KIF6: variants seen among roughly 807,000 people sequenced by gnomAD.
KIF6 encodes the protein kinesin family member 6.
Under a neutral mutation model 112.7 loss-of-function variants are expected in KIF6, and 106 were observed. That is an observed-to-expected ratio of 0.94 (90% CI 0.80 to 1.11). The LOEUF (loss-of-function observed/expected upper bound fraction) is 1.11. Among genes scored for constraint, KIF6 ranks in the 50% least tolerant of loss-of-function variants. The probability of loss-of-function intolerance (pLI) is 0.00; values close to 1 mark genes in which losing one functional copy is unlikely to be tolerated. For missense variants in KIF6, 929 were observed against 964.0 expected, an observed-to-expected ratio of 0.96 and a Z score of 0.48; for synonymous variants, 339 against 339.9, an observed-to-expected ratio of 1.00 and a Z score of 0.03.
chr6:39,543,619 T>TA (rs11385709), intron 12 of KIF6, among the ~76,000 whole-genome samples: 71,639 of 152,084 alleles, frequency 0.47, 20,498 homozygotes, highest in African/African-American at 0.81. Context: ...TTTGGTAATT[T>TA]AAAAAAAGAA....
At chr6:39,493,914 A>C (rs1390462328) in intron 13 of KIF6, among the ~76,000 whole-genome samples, 1 of 152,114 alleles carries the variant, frequency 6.6e-6, no homozygotes, top group African/African-American at 2.4e-5. Context: ...TTCTATACAC[A>C]GTTTGGTGAG....
intron 13 of KIF6, among the ~76,000 whole-genome samples, chr6:39,516,448 AT>A (rs1307531351): frequency 2.0e-5 from 3 of 148,056 alleles, no homozygotes; most frequent in Admixed American, 6.8e-5. Context: ...TATCTAATAT[AT>A]TATTTATATT....
At chr6:39,438,643 AG>A (rs1170417826) in intron 13 of KIF6, among the ~76,000 whole-genome samples, 3 of 152,264 alleles carry the variant, frequency 2.0e-5, no homozygotes, top group Non-Finnish European at 4.4e-5. Context: ...AGAATTAAAA[AG>A]TTAAAAAAAT....
In KIF6 at chr6:39,531,424, T is replaced by C. The variant is rs562924409; in HGVS notation, c.1645+8579A>G. Among the ~76,000 whole-genome samples, 8 of 152,050 alleles carry C rather than the reference T, an allele frequency of 5.3e-5. No homozygotes were observed. The East Asian group carries it at 1.4e-3, about 26-fold the overall frequency. ...GGGAGATGGTGTGGGCAAGAAGACA[T>C]AGAAATAGAAAAGGCCTGGCACACA... On this transcript the variant is annotated intron_variant, in intron 13 of 22. Transcript: ENST00000287152.
chr6:39,360,327 CTT>C, intron 18 of KIF6, 66 bp downstream of exon 18: 2 of 1,576,214 alleles, frequency 1.3e-6, no homozygotes, highest in South Asian at 2.3e-5. Flanking sequence ...CACTGTGTCT[CTT>C]GACAGCCCCA....
At chr6:39,441,947 G>C (rs937361505) in intron 13 of KIF6, among the ~76,000 whole-genome samples, 1 of 152,150 alleles carries the variant, frequency 6.6e-6, no homozygotes, top group African/African-American at 2.4e-5. Flanking sequence ...TGGTAGGCTT[G>C]GCAGGAGCTC....
chr6:39,587,393 A>C (rs1399165014), intron 7 of KIF6, among the ~76,000 whole-genome samples: 1 of 152,102 alleles, frequency 6.6e-6, no homozygotes, highest in African/African-American at 2.4e-5. Flanking sequence ...CTTTTGGTTT[A>C]CAAAACGAAA....
chr6:39,646,725 T>C (rs926660539), intron 3 of KIF6, among the ~76,000 whole-genome samples: 15 of 152,222 alleles, frequency 9.9e-5, no homozygotes, highest in Admixed American at 2.0e-4. Flanking sequence ...AAATACGCTA[T>C]ATACATGTTT....
intron 13 of KIF6, among the ~76,000 whole-genome samples, chr6:39,440,301 T>C (rs946193148): frequency 1.3e-4 from 20 of 152,188 alleles, no homozygotes; most frequent in Non-Finnish European, 1.0e-4. Flanking sequence ...GGCTCAATAG[T>C]GGAAGCTCTT....
chr6:39,652,383 C>T (rs539157191), intron 3 of KIF6, among the ~76,000 whole-genome samples: 19 of 152,064 alleles, frequency 1.2e-4, no homozygotes, highest in Admixed American at 3.3e-4. Context: ...ACAAATTAGC[C>T]GGGCGTGGTG....
intron 13 of KIF6, among the ~76,000 whole-genome samples, chr6:39,490,236 G>A (rs747390278): frequency 2.6e-5 from 4 of 152,202 alleles, no homozygotes; most frequent in Non-Finnish European, 5.9e-5. Context: ...ACAGAAGCAT[G>A]CTGTCTTCCA....
At chr6:39,677,220 A>G (rs968276723) in intron 3 of KIF6, among the ~76,000 whole-genome samples, 2 of 152,104 alleles carry the variant, frequency 1.3e-5, no homozygotes, top group Admixed American at 6.5e-5. Context: ...TAGAGATAAA[A>G]TCAGTCATTA....
chr6:39,619,832 ATTATG>A (rs1490334647), intron 5 of KIF6, among the ~76,000 whole-genome samples: 2 of 152,212 alleles, frequency 1.3e-5, no homozygotes, highest in Non-Finnish European at 2.9e-5. Flanking sequence ...AATACGAAAC[ATTATG>A]TTATTTCCAT....
At chr6:39,563,252 A>C (rs1011361319) in intron 10 of KIF6, among the ~76,000 whole-genome samples, 4 of 152,156 alleles carry the variant, frequency 2.6e-5, no homozygotes, top group Non-Finnish European at 5.9e-5. Context: ...AAAGAAAAGA[A>C]AATTTAGAAG....
chr6:39,372,971 C>T (rs570906155), intron 16 of KIF6, among the ~76,000 whole-genome samples: 20 of 152,318 alleles, frequency 1.3e-4, no homozygotes, highest in African/African-American at 4.6e-4. Context: ...ATTACACATG[C>T]AACAGAACTG....
intron 3 of KIF6, among the ~76,000 whole-genome samples, chr6:39,689,528 T>C (rs1312880354): frequency 6.6e-6 from 1 of 152,038 alleles, no homozygotes; most frequent in Non-Finnish European, 1.5e-5. Flanking sequence ...TAATAATAAA[T>C]AAAAATGCAA....
chr6:39,394,940 G>C (rs1768149414), intron 15 of KIF6, among the ~76,000 whole-genome samples: 2 of 152,110 alleles, frequency 1.3e-5, no homozygotes, highest in Non-Finnish European at 2.9e-5. Flanking sequence ...CCATCACCTC[G>C]GCCCTATCTT....
intron 14 of KIF6, among the ~76,000 whole-genome samples, chr6:39,422,467 G>A (rs772552432): frequency 6.6e-6 from 1 of 152,200 alleles, no homozygotes; most frequent in Non-Finnish European, 1.5e-5. Flanking sequence ...GAGAGGTGTG[G>A]TCTGAGGGCT....
intron 6 of KIF6, among the ~76,000 whole-genome samples, chr6:39,607,475 A>C (rs1017036256): frequency 2.0e-5 from 3 of 152,182 alleles, no homozygotes. Context: ...TTTCTTCTAT[A>C]CCTAGTAGGT....
Sources: allele counts gnomAD v4.1 joint callset (sites outside exome capture counted in the v4.1 genomes callset), GRCh38; gene constraint gnomAD v4.1.1; transcripts MANE v1.5; gene names NCBI Gene and HGNC (gene_info 2026-07-23, HGNC 2026-07-21).